The following INTS10 variants were observed in gnomAD, a reference collection of about 807,000 sequenced individuals.
INTS10 encodes the protein integrator complex subunit 10.
A neutral mutation model predicts 94.4 loss-of-function variants in INTS10; 44 were observed. The observed-to-expected ratio is 0.47, with a 90% CI of 0.37 to 0.60. The LOEUF (loss-of-function observed/expected upper bound fraction) is 0.60. INTS10 is among the 20% of genes least tolerant of loss of function. The pLI is 0.00. For synonymous variants in INTS10, 341 were observed against 320.7 expected, an observed-to-expected ratio of 1.06 and a Z score of -0.68; for missense variants, 797 against 868.7, an observed-to-expected ratio of 0.92 and a Z score of 1.04.
chr8:19,843,041 G>T lies in INTS10; in HGVS notation c.1719+114G>T. On this transcript the variant is annotated intron_variant, in intron 14 of 16. Coordinates refer to ENST00000397977, the MANE Select transcript of INTS10 (RefSeq NM_018142.4). This position sits in a 1 kb window ranked among gnomAD's most constrained non-coding sequence, Gnocchi z 4.7. ...GTTATTTTAGTACTTTTGAGGGCAG[G>T]CCCAAACAGTTAGAAAAGCACATGG... The T allele has an allele frequency of 1.4e-6, 1 of 730,344 alleles. No individual in the cohort carries two copies. Among genetic ancestry groups the T allele is most frequent in the Non-Finnish European group, 2.4e-6 (1 of 422,688 alleles). 45.2% of individuals were successfully genotyped at this position (730,344 alleles called of 1,614,324 possible). A position where few individuals can be genotyped will look rare whatever the true frequency, so the allele number is the denominator to read the frequency against.
In INTS10 at chr8:19,817,465, T is replaced by TGCCGTGGCG. The variant is rs1047993605; in HGVS notation, c.-70_-62dup. 4.0e-6 allele frequency: 6 copies of TGCCGTGGCG among 1,509,198 alleles called. No individual in the cohort carries two copies. Among genetic ancestry groups the TGCCGTGGCG allele is most frequent in the Non-Finnish European group, 4.5e-6 (5 of 1,119,844 alleles). The allele number at this position is 1,509,198 out of a possible 1,614,324, so 93.5% of individuals were successfully genotyped here. A position where few individuals can be genotyped will look rare whatever the true frequency, so the allele number is the denominator to read the frequency against. ...CGGTGGCGGCGGCGGCGGCGGTGGC[T>TGCCGTGGCG]GCCGTGGCGGCTGAGAGTCCAGAGC... On this transcript the variant is annotated 5_prime_UTR_variant, in exon 1 of 17. Coordinates refer to ENST00000397977, the MANE Select transcript of INTS10 (RefSeq NM_018142.4).
At chr8:19,817,726 G>T in intron 1 of INTS10, 60 bp downstream of exon 1, 1 of 1,550,772 alleles carries the variant, frequency 6.4e-7, no homozygotes, top group Non-Finnish European at 8.7e-7. Context: ...CCGTCGCCCG[G>T]GCTGCCCTGG....
Position 19,823,356 on chromosome 8 carries a change from T to C in INTS10, c.579T>C (p.Asn193=). 1 of 1,602,488 alleles carries C rather than the reference T, an allele frequency of 6.2e-7. No individual in the cohort carries two copies. Among genetic ancestry groups the C allele is most frequent in the Non-Finnish European group, 8.6e-7 (1 of 1,169,406 alleles). Residue 193 remains asparagine, a synonymous_variant, in exon 6 of 17, where the codon AAT becomes AAC. Coordinates refer to ENST00000397977, the MANE Select transcript of INTS10 (RefSeq NM_018142.4). ...INNHDVRLPA[N]LLYKYLNKAA... The stretch of plus-strand genomic sequence containing the variant: ...ACCATGATGTTCGATTACCTGCCAA[T>C]TTATTGTATAAGTACTTGAACAAAG...
At chr8:19,836,560 C>T (rs1291335470) in intron 12 of INTS10, among the ~76,000 whole-genome samples, 1 of 152,220 alleles carries the variant, frequency 6.6e-6, no homozygotes, top group African/African-American at 2.4e-5. Flanking sequence ...AATCCTTCCT[C>T]TCTTTAAGGC....
intron 4 of INTS10, 55 bp from the exon 5 acceptor site, chr8:19,822,384 G>A (rs2066447214): frequency 1.2e-5 from 13 of 1,063,932 alleles, no homozygotes; most frequent in Admixed American, 1.9e-5. Flanking sequence ...ACTTCATATA[G>A]TTCTGACAAC....
chr8:19,834,752 G>T (rs2067513320), intron 12 of INTS10, among the ~76,000 whole-genome samples: 1 of 152,078 alleles, frequency 6.6e-6, no homozygotes, highest in Non-Finnish European at 1.5e-5. Context: ...TTCTCTGGCT[G>T]TCTTTGTCTG....
intron 12 of INTS10, among the ~76,000 whole-genome samples, chr8:19,834,419 A>C (rs919246794): frequency 4.6e-5 from 7 of 152,202 alleles, no homozygotes; most frequent in African/African-American, 1.7e-4. Flanking sequence ...TTATTTATAT[A>C]ATTATCCATC....
At chr8:19,818,460 C>A in intron 2 of INTS10, 118 bp downstream of exon 2, 1 of 998,156 alleles carries the variant, frequency 1.0e-6, no homozygotes, top group Non-Finnish European at 1.6e-6. Context: ...TCTTCGATAC[C>A]TAAAGCAAAC....
At chr8:19,834,056 A>G (rs1238604023) in intron 12 of INTS10, among the ~76,000 whole-genome samples, 1 of 152,078 alleles carries the variant, frequency 6.6e-6, no homozygotes, top group East Asian at 1.9e-4. Context: ...AGATTTATAA[A>G]TGGGTGTGTT....
intron 14 of INTS10, 41 bp downstream of exon 14, chr8:19,842,968 C>G (rs1017073396): frequency 8.4e-6 from 11 of 1,305,574 alleles, no homozygotes; most frequent in Non-Finnish European, 1.2e-5. Flanking sequence ...AATGTAATTT[C>G]AAATATTATT....
At position 19,846,706 on chromosome 8, in the gene INTS10, A is replaced by G. The variant is rs543508131; in HGVS notation, c.1976+909A>G. Among the ~76,000 whole-genome samples the G allele has an allele frequency of 6.6e-6, 1 of 152,330 alleles. No homozygotes were observed. Among genetic ancestry groups the G allele is most frequent in the East Asian group, 1.9e-4 (1 of 5,178 alleles). ...TGTTACTAAAATTCCGGGTTGGCCCAGATGAAAATGCCAAATTAGTGACCA... is the reference window on the plus strand; with the variant it reads ...TGTTACTAAAATTCCGGGTTGGCCCGGATGAAAATGCCAAATTAGTGACCA... On this transcript the variant is annotated intron_variant, in intron 16 of 16. Coordinates refer to ENST00000397977, the MANE Select transcript of INTS10 (RefSeq NM_018142.4). The surrounding 1 kb of genome is among the most constrained non-coding windows in gnomAD (Gnocchi z 4.2).
rs1455178452 is a variant in INTS10 at position 19,833,144 on chromosome 8, C to T, written c.1378-25C>T. 4 of 1,505,186 alleles carry T rather than the reference C, an allele frequency of 2.7e-6. No homozygotes were observed. In the East Asian group the frequency reaches 7.5e-5, roughly 28 times the overall value. The allele number at this position is 1,505,186 out of a possible 1,614,324, so 93.2% of individuals were successfully genotyped here. ...TTTTTTTAACAGCGATGCTTTTCCC[C>T]TCCTTGCTATTCTATCTTTCTTAGG... On this transcript the variant is annotated intron_variant, in intron 11 of 16. Coordinates refer to ENST00000397977, the MANE Select transcript of INTS10 (RefSeq NM_018142.4).
At chr8:19,820,293 G>A (rs2066269513) in intron 3 of INTS10, 86 bp from the exon 4 acceptor site, 1 of 1,329,188 alleles carries the variant, frequency 7.5e-7, no homozygotes, top group South Asian at 1.4e-5. Flanking sequence ...TTACTGTTCT[G>A]TACATGAAAA....
Position 19,837,134 on chromosome 8 carries a change from C to G in INTS10, c.1613C>G (p.Ser538Trp), listed in dbSNP as rs377624955. ...GGAGGCAAATCCCAGGAGGAACCCT[C>G]GAAAGTAAAGCCCAAATTTAGAAAA... The part of the protein sequence containing the change: ...QDGGKSQEEP[S>W]KVKPKFRKGS... The change falls in exon 13 of 17, where the codon TCG becomes TGG. Residue 538 changes from serine (S) to tryptophan (W), a missense_variant. Ser to Trp is a radical substitution (Grantham distance 177). Around this residue, in one of 3 missense-constraint regions of INTS10, gnomAD observed 734 missense variants for 787.8 expected, o/e 0.93. Coordinates refer to ENST00000397977, the MANE Select transcript of INTS10 (RefSeq NM_018142.4). 2 of 1,611,688 alleles carry G rather than the reference C, an allele frequency of 1.2e-6. No homozygotes were observed. The highest frequency in any genetic ancestry group is 8.5e-7 in the Non-Finnish European group (1 of 1,177,926).
At chr8:19,834,070 T>A (rs1210291268) in intron 12 of INTS10, among the ~76,000 whole-genome samples, 1 of 151,968 alleles carries the variant, frequency 6.6e-6, no homozygotes, top group Non-Finnish European at 1.5e-5. Context: ...GTGTGTTTCC[T>A]CCAGGAGGTT....
chr8:19,834,210 ATAAAC>A (rs2128783974), intron 12 of INTS10, among the ~76,000 whole-genome samples: 1 of 152,310 alleles, frequency 6.6e-6, no homozygotes, highest in Admixed American at 6.5e-5. Context: ...CAAGGACTGT[ATAAAC>A]TCAAGGCCAC....
At chr8:19,823,097 G>A (rs1028939623) in intron 5 of INTS10, among the ~76,000 whole-genome samples, 15 of 152,286 alleles carry the variant, frequency 9.8e-5, no homozygotes, top group African/African-American at 3.6e-4. Context: ...CTCACCCACA[G>A]CATAAAAGTG....
chr8:19,830,651 T>C lies in INTS10; in HGVS notation c.1294+92T>C, dbSNP rs1165376760. On this transcript the variant is annotated intron_variant, in intron 10 of 16. Transcript: ENST00000397977. ...TCAGGTCACTTACGGCAAATTAAGT[T>C]GATTACAGTAGTTCATGCATTTTTT... The C allele has an allele frequency of 2.5e-6, 3 of 1,199,014 alleles. No homozygotes were observed. In the East Asian group the frequency reaches 7.1e-5, roughly 28 times the overall value. The allele number at this position is 1,199,014 out of a possible 1,614,324, so 74.3% of individuals were successfully genotyped here.
At chr8:19,824,453 C>T in intron 7 of INTS10, 1 of 197,038 alleles carries the variant, frequency 5.1e-6, no homozygotes, top group South Asian at 1.2e-4. Flanking sequence ...GATCACACCA[C>T]TGCAATCCAG....
Sources: gnomAD v4.1 joint callset for allele counts (sites outside exome capture counted in the v4.1 genomes callset) on GRCh38, gnomAD v4.1.1 for gene constraint, gnomAD v4.1.1 regional missense constraint, Gnocchi (gnomAD v3.1) non-coding constraint, MANE v1.5 for transcripts, NCBI Gene and HGNC (gene_info 2026-07-23, HGNC 2026-07-21) for gene names.